Variants in AGO1 observed in about 807,000 individuals in gnomAD.
AGO1 encodes the protein argonaute RISC component 1.
Under a neutral mutation model 109.2 loss-of-function variants are expected in AGO1, and 11 were observed. The observed-to-expected ratio is 0.10, with a 90% CI of 0.06 to 0.17. The LOEUF is 0.17. Among genes scored for constraint, AGO1 ranks in the 10% least tolerant of loss-of-function variants. AGO1 has a pLI of 1.00. For missense variants in AGO1, 574 were observed against 1,140.3 expected (o/e 0.50, Z 7.15); for synonymous variants, 422 against 418.6 (o/e 1.01, Z -0.10).
chr1:35,908,338 G>A (rs188096909), intron 12 of AGO1, among the ~76,000 whole-genome samples: 31 of 152,166 alleles, frequency 2.0e-4, no homozygotes, highest in Admixed American at 1.4e-3. Flanking sequence ...TATTCTACAG[G>A]TTCCTATTGT....
intron 1 of AGO1, among the ~76,000 whole-genome samples, chr1:35,870,485 G>C (rs953709952): frequency 1.3e-5 from 2 of 151,954 alleles, no homozygotes; most frequent in Admixed American, 6.6e-5. Context: ...GGGTTTCACC[G>C]TGTTAGCCAG....
rs1645875572 is a variant in AGO1 at position 35,923,741 on chromosome 1, T to A, written c.*4134T>A. The A allele has an allele frequency of 6.6e-6, 1 of 152,548 alleles. No individual in the cohort carries two copies. The highest frequency in any genetic ancestry group is 2.1e-4 in the South Asian group (1 of 4,828). The allele number at this position is 152,548 out of a possible 1,614,324, so 9.4% of individuals were successfully genotyped here. On this transcript the variant is annotated 3_prime_UTR_variant, in exon 19 of 19. Transcript: ENST00000373204. Reference sequence around the variant, plus strand: ...TCTCCCTTACTCTACTCATACTGACTTAGAGCCTCTGGCTGCTGTTTGGGC... The same window carrying A: ...TCTCCCTTACTCTACTCATACTGACATAGAGCCTCTGGCTGCTGTTTGGGC...
intron 2 of AGO1, among the ~76,000 whole-genome samples, chr1:35,889,336 C>T (rs941038329): frequency 6.6e-6 from 1 of 151,660 alleles, no homozygotes; most frequent in African/African-American, 2.4e-5. Flanking sequence ...GGCTCAGCCT[C>T]CTAACTGGGA....
At position 35,930,421 on chromosome 1, in the gene AGO1, A is replaced by G. The variant is rs1646014975; in HGVS notation, c.*10814A>G. ...CCGTTGGGAGAATTGGAAGCCAACC[A>G]GTATAGCTGTAGCACAGGCGGGGCC... is the stretch of plus-strand genomic sequence containing the variant. On this transcript the variant is annotated 3_prime_UTR_variant, in exon 19 of 19. Coordinates refer to ENST00000373204, the MANE Select transcript of AGO1 (RefSeq NM_012199.5). 2 of 152,226 alleles carry G rather than the reference A, an allele frequency of 1.3e-5. No individual in the cohort carries two copies. The highest frequency in any genetic ancestry group is 1.3e-4 in the Admixed American group (2 of 15,278). The allele number at this position is 152,226 out of a possible 1,614,324, so 9.4% of individuals were successfully genotyped here.
In AGO1 at chr1:35,921,022, A is replaced by T. The variant is rs1022507355; in HGVS notation, c.*1415A>T. On this transcript the variant is annotated 3_prime_UTR_variant, in exon 19 of 19. Transcript: ENST00000373204. ...GGGAGGGGGTGGTTATCGCCCCAAG[A>T]TGGGGTCCAGGCTCCATCCTTCCTC... The T allele has an allele frequency of 6.5e-6, 1 of 152,814 alleles. No individual in the cohort carries two copies. The highest frequency in any genetic ancestry group is 2.4e-5 in the African/African-American group (1 of 41,420). The allele number at this position is 152,814 out of a possible 1,614,324, so 9.5% of individuals were successfully genotyped here.
chr1:35,896,540 T>G (rs1645323296), intron 8 of AGO1, among the ~76,000 whole-genome samples: 1 of 152,038 alleles, frequency 6.6e-6, no homozygotes, highest in Non-Finnish European at 1.5e-5. Flanking sequence ...TTTTTTTGTA[T>G]TTTTAGTAGA....
chr1:35,885,723 A>C (rs1645110249), intron 1 of AGO1, among the ~76,000 whole-genome samples: 1 of 152,268 alleles, frequency 6.6e-6, no homozygotes, highest in Non-Finnish European at 1.5e-5. Context: ...AAGCACATAC[A>C]GTGGACTGGG....
chr1:35,888,332 C>G lies in AGO1; in HGVS notation c.26-95C>G. The stretch of plus-strand genomic sequence containing the variant: ...GCAGGAAAGAGGCATTCTCTATACT[C>G]TCGTGTTCCTGTTCTGGGAGGCCTT... On this transcript the variant is annotated intron_variant, in intron 1 of 18. Coordinates refer to ENST00000373204, the MANE Select transcript of AGO1 (RefSeq NM_012199.5). The surrounding 1 kb of genome is among the most constrained non-coding windows in gnomAD (Gnocchi z 4.1). The G allele has an allele frequency of 1.5e-6, 2 of 1,324,174 alleles. No homozygotes were observed. The highest frequency in any genetic ancestry group is 2.1e-6 in the Non-Finnish European group (2 of 945,278). The allele number at this position is 1,324,174 out of a possible 1,614,324, so 82.0% of individuals were successfully genotyped here.
At chr1:35,878,342 C>T (rs1645008797), upstream of AGO1, among the ~76,000 whole-genome samples, 1 of 151,944 alleles carries the variant, frequency 6.6e-6, no homozygotes, top group Admixed American at 6.6e-5. Context: ...GGCTCGGCCT[C>T]CCACAGTGCT....
At position 35,927,280 on chromosome 1, in the gene AGO1, TAAGAA is replaced by T. The variant is rs1392914826; in HGVS notation, c.*7676_*7680del. The T allele has an allele frequency of 6.6e-6, 1 of 152,210 alleles. No individual in the cohort carries two copies. The highest frequency in any genetic ancestry group is 6.5e-5 in the Admixed American group (1 of 15,282). 9.4% of individuals were successfully genotyped at this position (152,210 alleles called of 1,614,324 possible). ...AAATTCTGATTAAATTTTTCTTAAA[TAAGAA>T]AACTATCATTTCATATGACAAGAAA... On this transcript the variant is annotated 3_prime_UTR_variant, in exon 19 of 19. Coordinates refer to ENST00000373204, the MANE Select transcript of AGO1 (RefSeq NM_012199.5).
At position 35,919,520 on chromosome 1, in the gene AGO1, G is replaced by A. The variant is rs537312381; in HGVS notation, c.2487G>A (p.Ser829=). ...EHDSGEGSHI[S]GQSNGRDPQA... is the part of the protein sequence containing the mutation. ...TCAGTGGAGAGGGGAGCCACATATC[G>A]GGGCAGAGCAATGGGCGGGACCCCC... is the stretch of plus-strand genomic sequence containing the variant. Residue 829 remains serine, a synonymous_variant, in exon 19 of 19, where the codon TCG becomes TCA. Transcript: ENST00000373204. The surrounding 1 kb of genome is among the most constrained non-coding windows in gnomAD (Gnocchi z 6.6). The A allele has an allele frequency of 1.6e-4, 252 of 1,613,890 alleles. 1 individual carries two copies. The South Asian group carries it at 2.5e-3, about 16-fold the overall frequency.
chr1:35,884,574 C>G (rs1317577129), intron 1 of AGO1, among the ~76,000 whole-genome samples: 1 of 152,138 alleles, frequency 6.6e-6, no homozygotes, highest in Non-Finnish European at 1.5e-5. Context: ...TTTCCGTTTT[C>G]CTCTCCCCAC....
Position 35,888,583 on chromosome 1 carries a change from C to T in AGO1, c.182C>T (p.Pro61Leu), listed in dbSNP as rs1448364494. ...TACCACTACGAGGTGGACATCAAGC[C>T]GGATAAGTGTCCCCGTAGAGTCAAC... ...DVYHYEVDIKPDKCPRRVNRE... is the reference protein window; with the variant it reads ...DVYHYEVDIKLDKCPRRVNRE... The change falls in exon 2 of 19, where the codon CCG becomes CTG. Residue 61 changes from proline to leucine, a missense_variant. Pro to Leu is a moderately conservative substitution (Grantham distance 98). Coordinates refer to ENST00000373204, the MANE Select transcript of AGO1 (RefSeq NM_012199.5). This position sits in a 1 kb window ranked among gnomAD's most constrained non-coding sequence, Gnocchi z 4.1. The T allele has an allele frequency of 1.9e-6, 3 of 1,614,012 alleles. No individual in the cohort carries two copies. Among genetic ancestry groups the T allele is most frequent in the African/African-American group, 1.3e-5 (1 of 74,910 alleles).
chr1:35,872,633 CATG>C (rs1366633387), intron 1 of AGO1, among the ~76,000 whole-genome samples: 1 of 151,858 alleles, frequency 6.6e-6, no homozygotes, highest in Non-Finnish European at 1.5e-5. Context: ...AGGGCAGTAA[CATG>C]ATCATAGCTC....
In AGO1 at chr1:35,894,060, G is replaced by T; in HGVS notation, c.673G>T (p.Ala225Ser). The T allele has an allele frequency of 6.4e-7, 1 of 1,565,738 alleles. No individual in the cohort carries two copies. Among genetic ancestry groups the T allele is most frequent in the Non-Finnish European group, 8.6e-7 (1 of 1,158,306 alleles). Reference protein sequence around the residue: ...IDVSATAFYKAQPVIEFMCEV... With the variant: ...IDVSATAFYKSQPVIEFMCEV... ...AGTCTCAGCCACTGCCTTTTATAAG[G>T]CACAGCCAGTGATTGAGTTCATGTG... The change falls in exon 6 of 19, where the codon GCA (alanine) becomes TCA (serine). Residue 225 changes from alanine (A) to serine (S), a missense_variant. This residue lies in a region of AGO1 where 129 missense variants were observed against 243.0 expected (regional missense o/e 0.53). Coordinates refer to ENST00000373204, the MANE Select transcript of AGO1 (RefSeq NM_012199.5).
chr1:35,894,588 C>T (rs1414593503), intron 7 of AGO1, among the ~76,000 whole-genome samples, 186 bp downstream of exon 7: 2 of 151,882 alleles, frequency 1.3e-5, no homozygotes, highest in Non-Finnish European at 2.9e-5. Context: ...TTGATACTCT[C>T]CCTACCATTT....
At chr1:35,895,080 T>C in intron 7 of AGO1, 42 bp from the exon 8 acceptor site, 6 of 1,572,838 alleles carry the variant, frequency 3.8e-6, no homozygotes, top group Non-Finnish European at 5.2e-6. Flanking sequence ...TGGGACTGAA[T>C]GCTGGGTTAT....
rs576054752 is a variant in AGO1 at position 35,928,436 on chromosome 1, A to G, written c.*8829A>G. 2.0e-5 allele frequency: 3 copies of G among 151,556 alleles called. No individual in the cohort carries two copies. Among genetic ancestry groups the G allele is most frequent in the African/African-American group, 7.3e-5 (3 of 40,910 alleles). 9.4% of individuals were successfully genotyped at this position (151,556 alleles called of 1,614,324 possible). A position where few individuals can be genotyped will look rare whatever the true frequency, so the allele number is the denominator to read the frequency against. On this transcript the variant is annotated 3_prime_UTR_variant, in exon 19 of 19. Coordinates refer to ENST00000373204, the MANE Select transcript of AGO1 (RefSeq NM_012199.5). ...GCTGGGCTTACAGGCGCACACCACC[A>G]TGCCCAGCTAATTAAAAAAAAAATT...
chr1:35,897,763 A>C (rs1180859125), intron 8 of AGO1, among the ~76,000 whole-genome samples: 2 of 152,154 alleles, frequency 1.3e-5, no homozygotes, highest in African/African-American at 4.8e-5. Flanking sequence ...ATCGAGATAT[A>C]ATTCACATAC....
Sources: allele counts gnomAD v4.1 joint callset (sites outside exome capture counted in the v4.1 genomes callset), GRCh38; gene constraint gnomAD v4.1.1; regional missense constraint gnomAD v4.1.1; non-coding constraint Gnocchi (gnomAD v3.1); transcripts MANE v1.5; gene names NCBI Gene and HGNC (gene_info 2026-07-23, HGNC 2026-07-21).